MYB: variants seen among roughly 807,000 people sequenced by gnomAD.
MYB encodes the protein MYB proto-oncogene, transcription factor, also known as transcriptional activator Myb.
A neutral mutation model predicts 92.9 loss-of-function variants in MYB; 28 were observed. That is an observed-to-expected ratio of 0.30 (90% CI 0.22 to 0.41). MYB has a LOEUF of 0.41. Ranked by LOEUF, MYB falls within the 10% of genes least tolerant of loss-of-function variation. The pLI is 1.00. For missense variants in MYB, 679 were observed against 929.3 expected, an observed-to-expected ratio of 0.73 and a Z score of 3.50; for synonymous variants, 295 against 329.1, an observed-to-expected ratio of 0.90 and a Z score of 1.12.
Position 135,197,137 on chromosome 6 carries a change from A to G in MYB, c.1380A>G (p.Ser460=). ...RVNKRMLSES[S]LDPPKVLPPA... ...ACAAACGTATGTTGAGTGAGAGTTC[A>G]CTTGACCCACCCAAGGTCTTACCTC... Residue 460 remains serine (S), a synonymous_variant, in exon 10 of 16, where the codon TCA becomes TCG. Coordinates refer to ENST00000341911, the MANE Select transcript of MYB (RefSeq NM_001130173.2). The G allele has an allele frequency of 6.2e-7, 1 of 1,614,028 alleles. No homozygotes were observed. The highest frequency in any genetic ancestry group is 1.1e-5 in the South Asian group (1 of 91,080).
intron 14 of MYB, 157 bp from the exon 15 acceptor site, chr6:135,203,060 T>G (rs1333464161): frequency 1.4e-6 from 1 of 700,644 alleles, no homozygotes; most frequent in Non-Finnish European, 2.6e-6. Flanking sequence ...TGATTTCTCC[T>G]TTTAGCTCAT....
intron 5 of MYB, 94 bp from the exon 6 acceptor site, chr6:135,192,230 G>A: frequency 9.9e-7 from 1 of 1,010,864 alleles, no homozygotes; most frequent in South Asian, 1.3e-5. Flanking sequence ...AGGCCCAAGG[G>A]AAAGGTCTCT....
intron 8 of MYB, chr6:135,194,769 A>T (rs1777069607): frequency 6.4e-6 from 4 of 622,648 alleles, no homozygotes; most frequent in Admixed American, 3.6e-5. Flanking sequence ...GAAAATCTGC[A>T]TTTTCTACAG....
intron 15 of MYB, among the ~76,000 whole-genome samples, chr6:135,208,777 A>G (rs1779330052): frequency 6.6e-6 from 1 of 152,158 alleles, no homozygotes. Flanking sequence ...ATATAACCTA[A>G]TACCATCATT....
At position 135,181,587 on chromosome 6, in the gene MYB, CG is replaced by C; in HGVS notation, c.23+55del. 1 of 1,119,818 alleles carries C rather than the reference CG, an allele frequency of 8.9e-7. No individual in the cohort carries two copies. The highest frequency in any genetic ancestry group is 1.1e-6 in the Non-Finnish European group (1 of 906,102). The allele number at this position is 1,119,818 out of a possible 1,614,324, so 69.4% of individuals were successfully genotyped here. A position where few individuals can be genotyped will look rare whatever the true frequency, so the allele number is the denominator to read the frequency against. On this transcript the variant is annotated intron_variant, in intron 1 of 15. Transcript: ENST00000341911. This position sits in a 1 kb window ranked among gnomAD's most constrained non-coding sequence, Gnocchi z 5.3. ...GAGGGCGGGGGCGCGCGGGGGCGCG[CG>C]GGGCGCCAGGCTCCCGGGAGCAGGT...
chr6:135,208,782 A>G (rs982069373), intron 15 of MYB, among the ~76,000 whole-genome samples: 5 of 152,180 alleles, frequency 3.3e-5, no homozygotes, highest in African/African-American at 9.7e-5. Context: ...ACCTAATACC[A>G]TCATTACATA....
At chr6:135,187,165 A>G (rs937103522) in intron 2 of MYB, among the ~76,000 whole-genome samples, 1 of 152,266 alleles carries the variant, frequency 6.6e-6, no homozygotes, top group Admixed American at 6.5e-5. Flanking sequence ...AGGATTGTGA[A>G]CAGCATATAA....
chr6:135,181,576 G>C lies in MYB; in HGVS notation c.23+40G>C. ...GGCGGGCGGCCGAGGGCGGGGGCGCGCGGGGGCGCGCGGGGCGCCAGGCTC... is the reference window on the plus strand; with the variant it reads ...GGCGGGCGGCCGAGGGCGGGGGCGCCCGGGGGCGCGCGGGGCGCCAGGCTC... On this transcript the variant is annotated intron_variant, in intron 1 of 15. Coordinates refer to ENST00000341911, the MANE Select transcript of MYB (RefSeq NM_001130173.2). This position sits in a 1 kb window ranked among gnomAD's most constrained non-coding sequence, Gnocchi z 5.3. 2 of 1,132,640 alleles carry C rather than the reference G, an allele frequency of 1.8e-6. No individual in the cohort carries two copies. Among genetic ancestry groups the C allele is most frequent in the Non-Finnish European group, 2.2e-6 (2 of 917,884 alleles). 70.2% of individuals were successfully genotyped at this position (1,132,640 alleles called of 1,614,324 possible).
intron 15 of MYB, among the ~76,000 whole-genome samples, chr6:135,204,989 C>T (rs569211059): frequency 6.6e-6 from 1 of 152,216 alleles, no homozygotes; most frequent in South Asian, 2.1e-4. Context: ...ATCGCTTGAA[C>T]CCAGGAGGCA....
chr6:135,194,678 A>T, intron 8 of MYB: 1 of 571,650 alleles, frequency 1.7e-6, no homozygotes, highest in Non-Finnish European at 3.0e-6. Flanking sequence ...AAAATGCAAT[A>T]TCCACTTATG....
chr6:135,203,372 A>G (rs1160586163), intron 15 of MYB, 48 bp downstream of exon 15: 3 of 1,323,878 alleles, frequency 2.3e-6, no homozygotes, highest in South Asian at 1.2e-5. Flanking sequence ...TCACTGAAAA[A>G]CTGTCATCTT....
At chr6:135,185,209 G>A (rs1385570398) in intron 1 of MYB, among the ~76,000 whole-genome samples, 3 of 152,162 alleles carry the variant, frequency 2.0e-5, no homozygotes, top group Non-Finnish European at 1.5e-5. Context: ...ACTAAGTATT[G>A]TAAACATGGG....
In MYB at chr6:135,193,934, A is replaced by G. The variant is rs1776952841; in HGVS notation, c.843+16A>G. 3.2e-6 allele frequency: 5 copies of G among 1,571,932 alleles called. No homozygotes were observed. In the East Asian group the frequency reaches 1.1e-4, roughly 35 times the overall value. On this transcript the variant is annotated intron_variant, in intron 7 of 15. Transcript: ENST00000341911. ...AGCCATTCAGGTAAGATCATTGATC[A>G]TTCACTGTTCAAAGCACCACTTTTA...
At position 135,184,078 on chromosome 6, in the gene MYB, AC is replaced by A. The variant is rs569619137; in HGVS notation, c.24-1823del. ...AGGTTGCTTGTTCCTGGGTTGTTAA[AC>A]CGCTGCGGAGAGAGAGGTGCTCAAT... On this transcript the variant is annotated intron_variant, in intron 1 of 15. Transcript: ENST00000341911. Among the ~76,000 whole-genome samples, 6 of 152,180 alleles carry A rather than the reference AC, an allele frequency of 3.9e-5. No individual in the cohort carries two copies. In the South Asian group the frequency reaches 1.2e-3, roughly 32 times the overall value.
chr6:135,191,426 G>T (rs1776609030), intron 5 of MYB, among the ~76,000 whole-genome samples: 1 of 152,194 alleles, frequency 6.6e-6, no homozygotes, highest in South Asian at 2.1e-4. Flanking sequence ...CCAGGAGAAA[G>T]TTTATATAGT....
chr6:135,181,434 C>T lies in MYB; in HGVS notation c.-80C>T. 3.0e-6 allele frequency: 3 copies of T among 1,008,200 alleles called. No homozygotes were observed. The highest frequency in any genetic ancestry group is 3.7e-6 in the Non-Finnish European group (3 of 815,868). The allele number at this position is 1,008,200 out of a possible 1,614,324, so 62.5% of individuals were successfully genotyped here. ...GCCGCTGCGCAGCCGGGGAGGGACG[C>T]AGGCAGGCGGCGGGCAGCGGGAGGC... is the stretch of plus-strand genomic sequence containing the variant. On this transcript the variant is annotated 5_prime_UTR_variant, in exon 1 of 16. Transcript: ENST00000341911. The surrounding 1 kb of genome is among the most constrained non-coding windows in gnomAD (Gnocchi z 5.3).
chr6:135,199,372 A>G (rs143856045), intron 11 of MYB, among the ~76,000 whole-genome samples: 111 of 152,242 alleles, frequency 7.3e-4, no homozygotes, highest in African/African-American at 2.3e-3. Flanking sequence ...CCAGATTTTC[A>G]ACCTCCTTTC....
intron 9 of MYB, 108 bp from the exon 10 acceptor site, chr6:135,196,853 C>T (rs1777390076): frequency 1.9e-6 from 3 of 1,587,982 alleles, no homozygotes; most frequent in Admixed American, 1.7e-5. Context: ...AGAAGCCAAA[C>T]CAACGGGCCT....
In MYB at chr6:135,218,930, G is replaced by A. The variant is rs1193026146; in HGVS notation, c.*950G>A. The A allele has an allele frequency of 1.3e-5, 3 of 226,404 alleles. No individual in the cohort carries two copies. Among genetic ancestry groups the A allele is most frequent in the Non-Finnish European group, 2.6e-5 (3 of 113,600 alleles). 14.0% of individuals were successfully genotyped at this position (226,404 alleles called of 1,614,324 possible). On this transcript the variant is annotated 3_prime_UTR_variant, in exon 16 of 16. Transcript: ENST00000341911. ...TGTTCTATGTTTTGTTTTGAGTGTA[G>A]CCTGACTGTTTTATAATTTGGGAGT...
Sources: gnomAD v4.1 joint callset for allele counts (sites outside exome capture counted in the v4.1 genomes callset) on GRCh38, gnomAD v4.1.1 for gene constraint, Gnocchi (gnomAD v3.1) non-coding constraint, MANE v1.5 for transcripts, NCBI Gene and HGNC (gene_info 2026-07-23, HGNC 2026-07-21) for gene names.